The following LPXN variants were observed in gnomAD, a reference collection of about 807,000 sequenced individuals.
LPXN encodes leupaxin.
In LPXN, 28 loss-of-function variants were observed where a neutral mutation model predicts 45.6. The observed-to-expected ratio is 0.61, with a 90% CI of 0.45 to 0.84. The LOEUF (loss-of-function observed/expected upper bound fraction) is 0.84. Among genes scored for constraint, LPXN ranks in the 40% least tolerant of loss-of-function variants. LPXN has a pLI of 0.00. For synonymous variants in LPXN, 166 were observed against 169.9 expected (o/e 0.98, Z 0.18); for missense variants, 459 against 475.0 (o/e 0.97, Z 0.31).
intron 1 of LPXN, among the ~76,000 whole-genome samples, chr11:58,573,730 G>A (rs1031178572): frequency 1.8e-4 from 27 of 151,316 alleles, no homozygotes; most frequent in African/African-American, 6.2e-4. Flanking sequence ...GAGTGGGGGC[G>A]GGGGAAGTGG....
intron 7 of LPXN, among the ~76,000 whole-genome samples, chr11:58,533,354 G>T (rs971836179): frequency 6.6e-6 from 1 of 152,224 alleles, no homozygotes; most frequent in African/African-American, 2.4e-5. Flanking sequence ...AGCCAGAAGA[G>T]AGTGGGGGCC....
intron 3 of LPXN, among the ~76,000 whole-genome samples, chr11:58,563,730 T>C (rs1854447758): frequency 6.6e-6 from 1 of 152,194 alleles, no homozygotes. Context: ...AAAAAGTAAA[T>C]ACTCATCAGT....
At chr11:58,572,772 A>G (rs1054892209) in intron 1 of LPXN, among the ~76,000 whole-genome samples, 2 of 152,212 alleles carry the variant, frequency 1.3e-5, no homozygotes, top group Non-Finnish European at 2.9e-5. Flanking sequence ...AGATAAAATG[A>G]CATCTGAAAT....
intron 2 of LPXN, 105 bp downstream of exon 2, chr11:58,570,451 T>C: frequency 2.4e-6 from 2 of 827,852 alleles, no homozygotes; most frequent in South Asian, 5.8e-5. Context: ...TTCTCTTTCT[T>C]GGATATATTA....
chr11:58,573,274 A>AAAGAAAACTAAGGT (rs1854769828), intron 1 of LPXN, among the ~76,000 whole-genome samples: 1 of 151,726 alleles, frequency 6.6e-6, no homozygotes, highest in Non-Finnish European at 1.5e-5. Context: ...AAAGAAAAGA[A>AAAGAAAACTAAGGT]AGAAAAAGAA....
chr11:58,532,219 C>A (rs1164932359), intron 7 of LPXN, among the ~76,000 whole-genome samples: 2 of 152,344 alleles, frequency 1.3e-5, no homozygotes, highest in Admixed American at 6.5e-5. Flanking sequence ...CCCGCCATGC[C>A]CGAGACCCCC....
chr11:58,576,861 C>G (rs1358113844), upstream of LPXN, among the ~76,000 whole-genome samples: 1 of 152,180 alleles, frequency 6.6e-6, no homozygotes, highest in African/African-American at 2.4e-5. Flanking sequence ...ACCTCCAACT[C>G]GAACTCCTGA....
intron 7 of LPXN, among the ~76,000 whole-genome samples, chr11:58,536,644 C>T (rs1200925951): frequency 6.6e-6 from 1 of 152,130 alleles, no homozygotes; most frequent in East Asian, 1.9e-4. Flanking sequence ...GCTACAAAAG[C>T]CAAAATAGAC....
upstream of LPXN, chr11:58,575,941 T>G: frequency 2.9e-6 from 1 of 345,936 alleles, no homozygotes; most frequent in South Asian, 8.2e-5. Context: ...TTTGGTGAGC[T>G]TTTTTTTTTT....
chr11:58,575,301 C>T (rs1165801108), intron 1 of LPXN, among the ~76,000 whole-genome samples: 3 of 152,130 alleles, frequency 2.0e-5, no homozygotes, highest in African/African-American at 4.8e-5. Context: ...CTTTTTCCAA[C>T]CTCTACAGAT....
intron 1 of LPXN, 63 bp from the exon 2 acceptor site, chr11:58,570,776 C>A: frequency 8.0e-7 from 1 of 1,257,632 alleles, no homozygotes; most frequent in Non-Finnish European, 1.1e-6. Context: ...GTCATTTTCT[C>A]CTTAAATATC....
chr11:58,563,118 A>G (rs1270997863), intron 3 of LPXN, among the ~76,000 whole-genome samples: 2 of 152,166 alleles, frequency 1.3e-5, no homozygotes, highest in African/African-American at 4.8e-5. Flanking sequence ...ATTCACTCGC[A>G]TTTCTACTGG....
intron 3 of LPXN, among the ~76,000 whole-genome samples, chr11:58,559,079 A>G (rs1317852623): frequency 1.3e-5 from 2 of 152,050 alleles, no homozygotes; most frequent in Non-Finnish European, 2.9e-5. Flanking sequence ...TCAAATGTTT[A>G]TTACTATATA....
upstream of LPXN, chr11:58,578,142 G>A (rs2134377127): frequency 1.4e-6 from 2 of 1,465,852 alleles, no homozygotes; most frequent in South Asian, 2.5e-5. Context: ...GTACGCCAAC[G>A]CCCAGATAAA....
intron 2 of LPXN, among the ~76,000 whole-genome samples, chr11:58,564,982 G>A (rs1854485476): frequency 6.6e-6 from 1 of 152,180 alleles, no homozygotes; most frequent in African/African-American, 2.4e-5. Flanking sequence ...CCACGAGAAG[G>A]AGAGTGTGGC....
chr11:58,548,869 G>T (rs191267849), intron 7 of LPXN, among the ~76,000 whole-genome samples: 1 of 152,078 alleles, frequency 6.6e-6, no homozygotes, highest in Non-Finnish European at 1.5e-5. Context: ...TTGCTACATG[G>T]CTTACTTGTG....
chr11:58,534,121 A>G (rs558407783), intron 7 of LPXN, among the ~76,000 whole-genome samples: 1 of 152,338 alleles, frequency 6.6e-6, no homozygotes, highest in South Asian at 2.1e-4. Flanking sequence ...TCAATGAGAC[A>G]GAAAATTAAC....
At chr11:58,578,102 C>A, upstream of LPXN, 1 of 1,541,038 alleles carries the variant, frequency 6.5e-7, no homozygotes, top group East Asian at 2.5e-5. Context: ...CAAGGCAAGT[C>A]TGGGCAGTTA....
chr11:58,542,646 T>G (rs568094595), intron 7 of LPXN, among the ~76,000 whole-genome samples: 2 of 152,178 alleles, frequency 1.3e-5, no homozygotes, highest in African/African-American at 4.8e-5. Context: ...GTGAAAATCT[T>G]TAGGCATATA....
Sources: allele counts gnomAD v4.1 joint callset (sites outside exome capture counted in the v4.1 genomes callset), GRCh38; gene constraint gnomAD v4.1.1; transcripts MANE v1.5; gene names NCBI Gene and HGNC (gene_info 2026-07-23, HGNC 2026-07-21).